Variants in COL6A3 observed in about 807,000 individuals in gnomAD.
The protein encoded by COL6A3 is collagen alpha-3(VI) chain.
In COL6A3, 137 loss-of-function variants were observed where a neutral mutation model predicts 274.1. That is an observed-to-expected ratio of 0.50 (90% CI 0.44 to 0.58). COL6A3 has a LOEUF of 0.58. Ranked by LOEUF, COL6A3 falls within the 20% of genes least tolerant of loss-of-function variation. COL6A3 has a pLI of 0.00. For missense variants in COL6A3, 3,950 were observed against 4,124.9 expected (o/e 0.96, Z 1.16); for synonymous variants, 1,650 against 1,650.6 (o/e 1.00, Z 0.01).
At chr2:237,375,051 A>G in intron 7 of COL6A3, 31 bp from the exon 8 acceptor site, 6 of 1,611,770 alleles carry the variant, frequency 3.7e-6, no homozygotes, top group Non-Finnish European at 4.2e-6. Context: ...TAACTCACAC[A>G]GGACATCAGA....
chr2:237,372,466 C>A, intron 8 of COL6A3, 129 bp from the exon 9 acceptor site: 1 of 1,560,934 alleles, frequency 6.4e-7, no homozygotes, highest in Non-Finnish European at 8.7e-7. Flanking sequence ...TGTTAAAAGT[C>A]CAAGAAGTGG....
At chr2:237,405,099 T>G (rs2078686910) in intron 1 of COL6A3, among the ~76,000 whole-genome samples, 1 of 152,078 alleles carries the variant, frequency 6.6e-6, no homozygotes, top group Non-Finnish European at 1.5e-5. Flanking sequence ...CTTCCAGCTC[T>G]GAAAAGGACG....
intron 39 of COL6A3, 37 bp from the exon 40 acceptor site, chr2:237,336,569 C>T (rs372067301): frequency 1.2e-6 from 2 of 1,604,682 alleles, no homozygotes; most frequent in Admixed American, 1.7e-5. Context: ...CTACTTTTAC[C>T]TGCTATCTAA....
Position 237,368,791 on chromosome 2 carries a change from T to C in COL6A3, c.4672A>G (p.Arg1558Gly), listed in dbSNP as rs2077614911. 3 of 1,614,122 alleles carry C rather than the reference T, an allele frequency of 1.9e-6. No individual in the cohort carries two copies. Among genetic ancestry groups the C allele is most frequent in the South Asian group, 1.1e-5 (1 of 91,088 alleles). ...GAGGAACGGATCACCTGGGCGAACC[T>C]GGACACATCGTCCTGGGATTTTCCA... ...LGGKSQDDVS[R>G]FAQVIRSSGI... Residue 1558 changes from arginine (R) to glycine (G), a missense_variant, in exon 10 of 44, where the codon AGG (arginine) becomes GGG (glycine). Around this residue, in one of 5 missense-constraint regions of COL6A3, gnomAD observed 632 missense variants for 623.4 expected, o/e 1.01. Transcript: ENST00000295550. The surrounding 1 kb of genome is among the most constrained non-coding windows in gnomAD (Gnocchi z 4.4).
At chr2:237,411,421 T>C (rs1194820095) in intron 1 of COL6A3, among the ~76,000 whole-genome samples, 1 of 152,218 alleles carries the variant, frequency 6.6e-6, no homozygotes, top group African/African-American at 2.4e-5. Context: ...CTGAACACTC[T>C]GAGCAAGGAA....
chr2:237,348,831 T>C (rs1369005377), intron 28 of COL6A3, among the ~76,000 whole-genome samples, 168 bp from the exon 29 acceptor site: 2 of 152,176 alleles, frequency 1.3e-5, no homozygotes, highest in African/African-American at 4.8e-5. Context: ...ATCTTCCAAG[T>C]GTGAACAAGA....
intron 20 of COL6A3, 125 bp from the exon 21 acceptor site, chr2:237,358,708 T>C (rs1347455889): frequency 7.6e-6 from 7 of 923,186 alleles, no homozygotes; most frequent in East Asian, 4.8e-5. Context: ...TCATTCACCA[T>C]GAAGGCAAAT....
intron 2 of COL6A3, 27 bp downstream of exon 2, chr2:237,396,700 A>G (rs370517886): frequency 1.7e-4 from 269 of 1,608,128 alleles, no homozygotes; most frequent in Middle Eastern, 1.6e-4. Flanking sequence ...TCCTTTTTAC[A>G]AAATCAAGGA....
At chr2:237,359,762 T>G (rs1323459326) in intron 17 of COL6A3, among the ~76,000 whole-genome samples, 2 of 152,180 alleles carry the variant, frequency 1.3e-5, no homozygotes, top group Non-Finnish European at 2.9e-5. Flanking sequence ...CTCCACTCCC[T>G]TCCCTGACTG....
chr2:237,383,666 G>C (rs935286329), intron 4 of COL6A3, among the ~76,000 whole-genome samples: 1 of 151,960 alleles, frequency 6.6e-6, no homozygotes, highest in Non-Finnish European at 1.5e-5. Flanking sequence ...ATATAACAAT[G>C]ACCTGAGAAG....
At chr2:237,396,996 G>A in intron 1 of COL6A3, 149 bp from the exon 2 acceptor site, 1 of 623,362 alleles carries the variant, frequency 1.6e-6, no homozygotes, top group Non-Finnish European at 2.9e-6. Flanking sequence ...CAAAAGGATG[G>A]ATGATAGACA....
intron 6 of COL6A3, among the ~76,000 whole-genome samples, chr2:237,377,849 C>T (rs373511593): frequency 1.3e-5 from 2 of 152,268 alleles, no homozygotes; most frequent in Middle Eastern, 3.4e-3. Context: ...TTTGAGGTTA[C>T]GGGCCAAGAC....
Position 237,365,953 on chromosome 2 carries a change from C to A in COL6A3, c.5583G>T (p.Lys1861Asn), listed in dbSNP as rs906293407. The A allele has an allele frequency of 6.2e-7, 1 of 1,614,136 alleles. No individual in the cohort carries two copies. The highest frequency in any genetic ancestry group is 8.5e-7 in the Non-Finnish European group (1 of 1,180,046). ...VFVAQKGFES[K>N]VDAILNRISQ... ...TGATTCTGTTCAAGATGGCGTCCAC[C>A]TTGGACTCGAAGCCCTTCTGGGCCA... The change falls in exon 12 of 44, where the codon AAG (lysine) becomes AAT (asparagine). Residue 1861 changes from lysine to asparagine, a missense_variant. Lys to Asn is a moderately conservative substitution (Grantham distance 94). Around this residue, in one of 5 missense-constraint regions of COL6A3, gnomAD observed 632 missense variants for 623.4 expected, o/e 1.01. Transcript: ENST00000295550.
Position 237,373,114 on chromosome 2 carries a change from C to T in COL6A3, c.3680-777G>A, listed in dbSNP as rs148275213. Among the ~76,000 whole-genome samples the T allele has an allele frequency of 3.1e-3, 468 of 152,126 alleles. 8 individuals are homozygous for T. Among genetic ancestry groups the T allele is most frequent in the Admixed American group, 0.025 (386 of 15,284 alleles). ...TCAGGAGAGGTGTGAGAGAAGCCTC[C>T]GAATGGGGAGAAGGGGGAAAGAGGG... On this transcript the variant is annotated intron_variant, in intron 8 of 43. Transcript: ENST00000295550.
intron 19 of COL6A3, 45 bp from the exon 20 acceptor site, chr2:237,359,133 T>A (rs2077380425): frequency 6.2e-7 from 1 of 1,613,730 alleles, no homozygotes; most frequent in South Asian, 1.1e-5. Flanking sequence ...GCAATTTCTA[T>A]CACAGACTGA....
chr2:237,363,239 T>C lies in COL6A3; in HGVS notation c.6063+14A>G, dbSNP rs1242577749. The C allele has an allele frequency of 1.2e-6, 2 of 1,611,042 alleles. No individual in the cohort carries two copies. Among genetic ancestry groups the C allele is most frequent in the Non-Finnish European group, 1.7e-6 (2 of 1,178,500 alleles). On this transcript the variant is annotated intron_variant, in intron 14 of 43. Coordinates refer to ENST00000295550, the MANE Select transcript of COL6A3 (RefSeq NM_004369.4). ...CTACACTGGTCTGTGTATAAAGACA[T>C]AAAAAAAACTCACAAGCTGCTCCGC...
At chr2:237,341,333 C>CA (rs911916266) in intron 37 of COL6A3, among the ~76,000 whole-genome samples, 183 bp from the exon 38 acceptor site, 1 of 152,028 alleles carries the variant, frequency 6.6e-6, no homozygotes, top group Non-Finnish European at 1.5e-5. Flanking sequence ...ATCACGAGGT[C>CA]AAGAGATCGA....
chr2:237,366,730 C>T lies in COL6A3; in HGVS notation c.5457G>A (p.Ala1819=), dbSNP rs377249790. The T allele has an allele frequency of 5.6e-6, 9 of 1,614,246 alleles. No homozygotes were observed. Among genetic ancestry groups the T allele is most frequent in the South Asian group, 5.5e-5 (5 of 91,084 alleles). Residue 1819 remains alanine (A), a synonymous_variant, in exon 11 of 44, where the codon GCG becomes GCA. Transcript: ENST00000295550. ...CACCAGGGCAAAGGGTTTCATGCAT[C>T]GCATCATGCAAAGTTTCCAAAACTT... is the stretch of plus-strand genomic sequence containing the variant. ...SEQVLETLHD[A]MHETLCPGVT... is the part of the protein sequence containing the mutation.
chr2:237,395,505 T>C (rs113744571), intron 2 of COL6A3, among the ~76,000 whole-genome samples: 2 of 152,232 alleles, frequency 1.3e-5, no homozygotes, highest in Non-Finnish European at 2.9e-5. Context: ...AACTCAAGTA[T>C]GATTCCCTGT....
Sources: gnomAD v4.1 joint callset for allele counts (sites outside exome capture counted in the v4.1 genomes callset) on GRCh38, gnomAD v4.1.1 for gene constraint, gnomAD v4.1.1 regional missense constraint, Gnocchi (gnomAD v3.1) non-coding constraint, MANE v1.5 for transcripts, NCBI Gene and HGNC (gene_info 2026-07-23, HGNC 2026-07-21) for gene names.